The following HS2ST1 variants were observed in gnomAD, a reference collection of about 807,000 sequenced individuals.
HS2ST1 encodes 2-O-sulfotransferase.
A neutral mutation model predicts 42.9 loss-of-function variants in HS2ST1; 18 were observed. That is an observed-to-expected ratio of 0.42 (90% CI 0.29 to 0.62). The LOEUF (loss-of-function observed/expected upper bound fraction) is 0.62, where lower values mean the gene tolerates loss of function less well. Among genes scored for constraint, HS2ST1 ranks in the 20% least tolerant of loss-of-function variants. HS2ST1 has a pLI of 0.21. For synonymous variants in HS2ST1, 146 were observed against 152.9 expected (o/e 0.95, Z 0.33); for missense variants, 334 against 433.8 (o/e 0.77, Z 2.04).
intron 1 of HS2ST1, among the ~76,000 whole-genome samples, chr1:86,994,665 G>C (rs1649047010): frequency 6.6e-6 from 1 of 151,938 alleles, no homozygotes; most frequent in Non-Finnish European, 1.5e-5. Flanking sequence ...CTTTGTAGTG[G>C]GGTCTCAGTG....
At chr1:87,024,429 A>G (rs530449267) in intron 1 of HS2ST1, among the ~76,000 whole-genome samples, 31 of 149,140 alleles carry the variant, frequency 2.1e-4, no homozygotes, top group African/African-American at 7.6e-4. Flanking sequence ...TGAACCCAGG[A>G]GGTGGAGGCT....
Position 87,039,325 on chromosome 1 carries a change from G to A in HS2ST1, c.125-33609G>A, listed in dbSNP as rs766862661. Among the ~76,000 whole-genome samples, 58 of 152,180 alleles carry A rather than the reference G, an allele frequency of 3.8e-4. 1 individual carries two copies. The highest frequency in any genetic ancestry group is 2.2e-4 in the African/African-American group (9 of 41,462). On this transcript the variant is annotated intron_variant, in intron 1 of 6. Transcript: ENST00000370550. ...AATAACCAGTTGTTCACTAAGAACCGGTCAGGGCGCGGTGTGGACCATAGG... is the reference window on the plus strand; with the variant it reads ...AATAACCAGTTGTTCACTAAGAACCAGTCAGGGCGCGGTGTGGACCATAGG...
In HS2ST1 at chr1:87,106,887, G is replaced by C. The variant is rs1652334908; in HGVS notation, c.*2191G>C. On this transcript the variant is annotated 3_prime_UTR_variant, in exon 7 of 7. Coordinates refer to ENST00000370550, the MANE Select transcript of HS2ST1 (RefSeq NM_012262.4). ...GTGCATTAACTCTTTTAGGTAACTA[G>C]AGCAGTACTTGGTGAACTAGATCAG... The C allele has an allele frequency of 6.6e-6, 1 of 152,054 alleles. No individual in the cohort carries two copies. The highest frequency in any genetic ancestry group is 1.9e-4 in the East Asian group (1 of 5,200). 9.4% of individuals were successfully genotyped at this position (152,054 alleles called of 1,614,324 possible). A position where few individuals can be genotyped will look rare whatever the true frequency, so the allele number is the denominator to read the frequency against.
At chr1:87,103,737 T>C (rs1277225263) in intron 6 of HS2ST1, 148 bp downstream of exon 6, 2 of 624,710 alleles carry the variant, frequency 3.2e-6, no homozygotes, top group Middle Eastern at 4.4e-4. Flanking sequence ...TGCTCACTAT[T>C]TTCAATTGAG....
intron 4 of HS2ST1, among the ~76,000 whole-genome samples, chr1:87,097,608 G>A (rs550577261): frequency 1.3e-5 from 2 of 152,060 alleles, no homozygotes; most frequent in African/African-American, 2.4e-5. Context: ...TAACTAGGAC[G>A]GTCTCGATTT....
At chr1:87,002,515 AGCCT>A (rs944166233) in intron 1 of HS2ST1, among the ~76,000 whole-genome samples, 11 of 151,768 alleles carry the variant, frequency 7.2e-5, no homozygotes, top group African/African-American at 2.7e-4. Context: ...GGATCACCCA[AGCCT>A]GGGAGGTTGA....
In HS2ST1 at chr1:87,085,825, C is replaced by G. The variant is rs139096490; in HGVS notation, c.449+1546C>G. Among the ~76,000 whole-genome samples, 1,131 of 152,190 alleles carry G rather than the reference C, an allele frequency of 7.4e-3. 9 individuals carry two copies. Among genetic ancestry groups the G allele is most frequent in the Non-Finnish European group, 0.012 (787 of 67,968 alleles). On this transcript the variant is annotated intron_variant, in intron 3 of 6. Coordinates refer to ENST00000370550, the MANE Select transcript of HS2ST1 (RefSeq NM_012262.4). ...CTTTTGCTTTTGGCAAAGTCTTATA[C>G]TTAGAACAAAGCTCTGATATATGCT...
intron 1 of HS2ST1, among the ~76,000 whole-genome samples, chr1:87,027,720 C>CA (rs1650124656): frequency 6.6e-6 from 1 of 152,172 alleles, no homozygotes. Context: ...GACAGGGTCT[C>CA]ACTGTCACCC....
chr1:87,049,463 A>T (rs913935666), intron 1 of HS2ST1, among the ~76,000 whole-genome samples: 3 of 151,590 alleles, frequency 2.0e-5, no homozygotes, highest in Non-Finnish European at 4.4e-5. Context: ...TACAATTTTG[A>T]TGTTTTTGTT....
At chr1:86,959,203 C>G (rs1039303402) in intron 1 of HS2ST1, among the ~76,000 whole-genome samples, 12 of 152,194 alleles carry the variant, frequency 7.9e-5, no homozygotes, top group African/African-American at 2.9e-4. Flanking sequence ...CCTCTCACTA[C>G]TCTTCAGCAT....
chr1:86,992,728 A>T (rs950899839), intron 1 of HS2ST1, among the ~76,000 whole-genome samples: 1 of 152,082 alleles, frequency 6.6e-6, no homozygotes, highest in Non-Finnish European at 1.5e-5. Flanking sequence ...CCAGTCTTGG[A>T]TTCATTGGCT....
At chr1:87,060,035 A>G (rs550319086) in intron 1 of HS2ST1, among the ~76,000 whole-genome samples, 1 of 152,288 alleles carries the variant, frequency 6.6e-6, no homozygotes, top group South Asian at 2.1e-4. Flanking sequence ...CTATTCAAGA[A>G]TGATACCTAG....
At chr1:86,991,117 G>A (rs1648939718) in intron 1 of HS2ST1, among the ~76,000 whole-genome samples, 2 of 151,740 alleles carry the variant, frequency 1.3e-5, no homozygotes, top group Admixed American at 1.3e-4. Context: ...TGTTGTGAGA[G>A]AGGAATGGAC....
intron 2 of HS2ST1, among the ~76,000 whole-genome samples, chr1:87,082,869 C>A (rs1651726467): frequency 1.3e-5 from 2 of 152,124 alleles, no homozygotes; most frequent in Non-Finnish European, 2.9e-5. Flanking sequence ...AAAATATCTG[C>A]TAAAATGACA....
intron 3 of HS2ST1, among the ~76,000 whole-genome samples, chr1:87,090,658 A>C (rs1651917035): frequency 6.6e-6 from 1 of 151,936 alleles, no homozygotes; most frequent in East Asian, 1.9e-4. Context: ...TGTCATGGTA[A>C]TTCTCTTTTT....
In HS2ST1 at chr1:87,055,000, C is replaced by T. The variant is rs930675605; in HGVS notation, c.125-17934C>T. ...CTTTGAAACAGCTCCTTAATCATTT[C>T]CCTGCATTCCCTTTCTCTAAAAACT... On this transcript the variant is annotated intron_variant, in intron 1 of 6. Coordinates refer to ENST00000370550, the MANE Select transcript of HS2ST1 (RefSeq NM_012262.4). 2.0e-5 allele frequency among the ~76,000 whole-genome samples: 3 copies of T among 152,142 alleles called. No homozygotes were observed. The South Asian group carries it at 6.2e-4, about 32-fold the overall frequency.
Position 87,045,459 on chromosome 1 carries a change from G to A in HS2ST1, c.125-27475G>A, listed in dbSNP as rs1008028226. 38 of 1,126,106 alleles carry A rather than the reference G, an allele frequency of 3.4e-5. No individual in the cohort carries two copies. The East Asian group carries it at 4.7e-4, about 14-fold the overall frequency. 69.8% of individuals were successfully genotyped at this position (1,126,106 alleles called of 1,614,324 possible). A position where few individuals can be genotyped will look rare whatever the true frequency, so the allele number is the denominator to read the frequency against. ...AATTTTTGTTTCACTACCTTGTCTC[G>A]TAAGGTGAGAACAGTCACTTTATGG... is the stretch of plus-strand genomic sequence containing the variant. On this transcript the variant is annotated intron_variant, in intron 1 of 6. Transcript: ENST00000370550.
At chr1:86,983,959 G>C (rs1192307459) in intron 1 of HS2ST1, among the ~76,000 whole-genome samples, 1 of 151,436 alleles carries the variant, frequency 6.6e-6, no homozygotes, top group Non-Finnish European at 1.5e-5. Context: ...AGAATTGCTT[G>C]AACCCAGGAG....
chr1:86,934,869 A>G (rs1660611119), intron 1 of HS2ST1: 1 of 139,508 alleles, frequency 7.2e-6, no homozygotes, highest in South Asian at 2.3e-4. Flanking sequence ...CGGAGCTTGC[A>G]GTGAGCCGAG....
Sources: allele counts gnomAD v4.1 joint callset (sites outside exome capture counted in the v4.1 genomes callset), GRCh38; gene constraint gnomAD v4.1.1; transcripts MANE v1.5; gene names NCBI Gene and HGNC (gene_info 2026-07-23, HGNC 2026-07-21).